DIS3L: variants seen among roughly 807,000 people sequenced by gnomAD.
DIS3L encodes DIS3 like exosome 3'-5' exoribonuclease.
DIS3L carries 100 observed loss-of-function variants against 120.3 expected under a neutral mutation model. The observed-to-expected ratio is 0.83, with a 90% CI of 0.71 to 0.98. DIS3L has a LOEUF of 0.98. DIS3L is among the 50% of genes least tolerant of loss of function. DIS3L has a pLI of 0.00. For synonymous variants in DIS3L, 426 were observed against 470.6 expected, an observed-to-expected ratio of 0.91 and a Z score of 1.23; for missense variants, 1,196 against 1,314.2, an observed-to-expected ratio of 0.91 and a Z score of 1.39.
Position 66,311,794 on chromosome 15 carries a change from G to C in DIS3L, c.629G>C (p.Arg210Pro). 6.2e-7 allele frequency: 1 copy of C among 1,614,090 alleles called. No individual in the cohort carries two copies. Among genetic ancestry groups the C allele is most frequent in the Non-Finnish European group, 8.5e-7 (1 of 1,179,998 alleles). ...CTTTGTGATTCTATCCTTCAGTCTC[G>C]ACGGGAGAGAGAGAATGAGAGTCAG... ...HELCDSILQS[R>P]RERENESQES... Residue 210 changes from arginine to proline, a missense_variant, in exon 5 of 17, where the codon CGA becomes CCA. Transcript: ENST00000319212.
At position 66,326,377 on chromosome 15, in the gene DIS3L, T is replaced by A; in HGVS notation, c.2201+13T>A. On this transcript the variant is annotated intron_variant, in intron 12 of 16. Transcript: ENST00000319212. The stretch of plus-strand genomic sequence containing the variant: ...TCATAGATACACGGTATTCCTCTTT[T>A]GAGGGGGCAGAGGAATGGAGTGGCA... 6.2e-7 allele frequency: 1 copy of A among 1,610,086 alleles called. No individual in the cohort carries two copies. Among genetic ancestry groups the A allele is most frequent in the Non-Finnish European group, 8.5e-7 (1 of 1,177,256 alleles).
At chr15:66,298,373 ATG>A (rs1345177095) in intron 2 of DIS3L, among the ~76,000 whole-genome samples, 1 of 152,166 alleles carries the variant, frequency 6.6e-6, no homozygotes, top group Non-Finnish European at 1.5e-5. Context: ...TGTTATTTAA[ATG>A]TGTTTAAACA....
At chr15:66,322,431 C>T (rs1041414996) in intron 9 of DIS3L, among the ~76,000 whole-genome samples, 3 of 152,076 alleles carry the variant, frequency 2.0e-5, no homozygotes, top group Admixed American at 6.6e-5. Context: ...CATTTTCTGT[C>T]CAACTGTAAG....
chr15:66,332,232 G>A lies in DIS3L; in HGVS notation c.2681+212G>A, dbSNP rs145914656. ...AGCACTTTGGGAGGCCAAGGTGGGC[G>A]GATCACCTGAGGTCAGGAGTTCGAG... On this transcript the variant is annotated intron_variant, in intron 15 of 16. Transcript: ENST00000319212. 2.9e-3 allele frequency among the ~76,000 whole-genome samples: 444 copies of A among 152,208 alleles called. 1 individual carries two copies. Among genetic ancestry groups the A allele is most frequent in the African/African-American group, 9.9e-3 (411 of 41,554 alleles).
intron 9 of DIS3L, among the ~76,000 whole-genome samples, 186 bp downstream of exon 9, chr15:66,320,918 A>C (rs1003656516): frequency 6.6e-6 from 1 of 152,196 alleles, no homozygotes; most frequent in African/African-American, 2.4e-5. Flanking sequence ...TCAAGTGTAG[A>C]ATTAGTTTTC....
chr15:66,320,829 A>G, intron 9 of DIS3L, 97 bp downstream of exon 9: 1 of 1,444,840 alleles, frequency 6.9e-7, no homozygotes, highest in Non-Finnish European at 9.3e-7. Context: ...GCTGTGGAAC[A>G]ACCCACTGTG....
At chr15:66,307,333 G>A (rs2092712195) in intron 3 of DIS3L, among the ~76,000 whole-genome samples, 2 of 150,896 alleles carry the variant, frequency 1.3e-5, no homozygotes, top group Admixed American at 6.6e-5. Flanking sequence ...TTTTTGCTCT[G>A]TCACCCAGGC....
At position 66,294,804 on chromosome 15, in the gene DIS3L, C is replaced by CA. The variant is rs544012639; in HGVS notation, c.140-177dup. On this transcript the variant is annotated intron_variant, in intron 1 of 16. Transcript: ENST00000319212. Reference sequence around the variant, plus strand: ...TTGAGCTTGTATTTATCACAGCTTCCAAAAAAATGAGGGTGCTCAATATAC... The same window carrying CA: ...TTGAGCTTGTATTTATCACAGCTTCCAAAAAAAATGAGGGTGCTCAATATAC... Among the ~76,000 whole-genome samples, 73 of 152,108 alleles carry CA rather than the reference C, an allele frequency of 4.8e-4. 1 individual carries two copies. The South Asian group carries it at 0.014, about 29-fold the overall frequency.
At chr15:66,298,621 G>C (rs1256436772) in intron 2 of DIS3L, among the ~76,000 whole-genome samples, 1 of 152,202 alleles carries the variant, frequency 6.6e-6, no homozygotes, top group African/African-American at 2.4e-5. Context: ...TATCAATGCA[G>C]AGAATGCTTG....
intron 14 of DIS3L, chr15:66,329,881 T>TA: frequency 1.0e-6 from 1 of 981,652 alleles, no homozygotes; most frequent in Non-Finnish European, 1.2e-6. Context: ...CACTGCACTC[T>TA]AGCCTGGGTG....
At chr15:66,304,017 G>A (rs1404734335) in intron 2 of DIS3L, among the ~76,000 whole-genome samples, 3 of 150,908 alleles carry the variant, frequency 2.0e-5, no homozygotes, top group Non-Finnish European at 4.4e-5. Context: ...GTGAACCCGG[G>A]AGGTGGAGCT....
At position 66,332,830 on chromosome 15, in the gene DIS3L, C is replaced by T. The variant is rs760989482; in HGVS notation, c.2776C>T (p.Leu926Phe). Residue 926 changes from leucine to phenylalanine, a missense_variant, in exon 16 of 17, where the codon CTT (leucine) becomes TTT (phenylalanine). Leu to Phe is a conservative substitution (Grantham distance 22). Coordinates refer to ENST00000319212, the MANE Select transcript of DIS3L (RefSeq NM_001143688.3). Reference protein sequence around the residue: ...DSCSEWKPGSLQRFQNKITST... With the variant: ...DSCSEWKPGSFQRFQNKITST... Reference sequence around the variant, plus strand: ...CTGTTCTGAATGGAAACCAGGATCCCTTCAACGATTTCAAAACAAAATTAC... The same window carrying T: ...CTGTTCTGAATGGAAACCAGGATCCTTTCAACGATTTCAAAACAAAATTAC... The T allele has an allele frequency of 4.3e-6, 7 of 1,613,920 alleles. No individual in the cohort carries two copies. The South Asian group carries it at 7.7e-5, about 18-fold the overall frequency.
rs148326795 is a variant in DIS3L, at chr15:66,318,487, T to G, written c.1033T>G (p.Tyr345Asp). ...VGILQKNWRDYVVTFPSKEEV... is the reference protein window; with the variant it reads ...VGILQKNWRDDVVTFPSKEEV... The stretch of plus-strand genomic sequence containing the variant: ...CATACTTCAGAAGAACTGGCGGGAT[T>G]ATGTGGTGACATTTCCGTCCAAAGA... Residue 345 changes from tyrosine to aspartate, a missense_variant, in exon 8 of 17, where the codon TAT becomes GAT. By Grantham distance (160) the Tyr-to-Asp change is radical (BLOSUM62 -3). Transcript: ENST00000319212. 8.7e-6 allele frequency: 14 copies of G among 1,613,948 alleles called. No homozygotes were observed. The African/African-American group carries it at 1.7e-4, about 20-fold the overall frequency.
At position 66,322,673 on chromosome 15, in the gene DIS3L, G is replaced by T; in HGVS notation, c.1327-14G>T. The T allele has an allele frequency of 6.2e-7, 1 of 1,611,038 alleles. No individual in the cohort carries two copies. Among genetic ancestry groups the T allele is most frequent in the South Asian group, 1.1e-5 (1 of 90,874 alleles). On this transcript the variant is annotated splice_polypyrimidine_tract_variant and intron_variant, in intron 9 of 16. Coordinates refer to ENST00000319212, the MANE Select transcript of DIS3L (RefSeq NM_001143688.3). ...GTGGTGCATGAATTGCTGAATATTTGGTTTCTCATACAGATGTGTGAGATG... is the reference window on the plus strand; with the variant it reads ...GTGGTGCATGAATTGCTGAATATTTTGTTTCTCATACAGATGTGTGAGATG...
chr15:66,316,260 G>A (rs1483590270), intron 7 of DIS3L, among the ~76,000 whole-genome samples: 1 of 151,282 alleles, frequency 6.6e-6, no homozygotes, highest in Non-Finnish European at 1.5e-5. Context: ...TCAGTAAAGG[G>A]CAAATTCATT....
At chr15:66,329,966 G>GAGCTAACAATTAATGATTGTT in intron 14 of DIS3L, 1 of 984,552 alleles carries the variant, frequency 1.0e-6, no homozygotes. Flanking sequence ...TTACCACCCA[G>GAGCTAACAATTAATGATTGTT]AGCTAACAAT....
At position 66,302,714 on chromosome 15, in the gene DIS3L, C is replaced by T. The variant is rs150385512; in HGVS notation, c.294-4110C>T. Among the ~76,000 whole-genome samples, 187 of 152,276 alleles carry T rather than the reference C, an allele frequency of 1.2e-3. 1 individual carries two copies. Among genetic ancestry groups the T allele is most frequent in the African/African-American group, 4.2e-3 (176 of 41,564 alleles). On this transcript the variant is annotated intron_variant, in intron 2 of 16. Coordinates refer to ENST00000319212, the MANE Select transcript of DIS3L (RefSeq NM_001143688.3). ...GGTCACCTACTCCAGGAAGCCTTCC[C>T]ATCCCTCCCATCTTCTCCTTTCAAG...
intron 14 of DIS3L, chr15:66,330,427 C>G (rs1321297109): frequency 1.0e-6 from 1 of 985,284 alleles, no homozygotes; most frequent in East Asian, 1.1e-4. Context: ...TTACTAGTTG[C>G]TACAAGATTG....
intron 11 of DIS3L, among the ~76,000 whole-genome samples, chr15:66,323,909 C>T (rs1313611457): frequency 2.6e-5 from 4 of 152,104 alleles, no homozygotes; most frequent in Admixed American, 6.6e-5. Flanking sequence ...CATTCCCTGG[C>T]GGAAGTTGTT....
Sources: allele counts gnomAD v4.1 joint callset (sites outside exome capture counted in the v4.1 genomes callset), GRCh38; gene constraint gnomAD v4.1.1; transcripts MANE v1.5; gene names NCBI Gene and HGNC (gene_info 2026-07-23, HGNC 2026-07-21).